Variants in VAV3 observed in about 807,000 individuals in gnomAD.
VAV3 encodes the protein vav guanine nucleotide exchange factor 3.
Under a neutral mutation model 131.2 loss-of-function variants are expected in VAV3, and 94 were observed. The observed-to-expected ratio is 0.72, with a 90% confidence interval of 0.61 to 0.85. The LOEUF (loss-of-function observed/expected upper bound fraction) is 0.85. Among genes scored for constraint, VAV3 ranks in the 40% least tolerant of loss-of-function variants. The pLI is 0.00. For synonymous variants in VAV3, 349 were observed against 342.0 expected (o/e 1.02, Z -0.22); for missense variants, 939 against 1,002.7 (o/e 0.94, Z 0.86).
chr1:107,618,527 A>C (rs1653337332), intron 20 of VAV3, among the ~76,000 whole-genome samples: 4 of 152,224 alleles, frequency 2.6e-5, no homozygotes, highest in Admixed American at 2.6e-4. Context: ...GTGCAAAAGT[A>C]ATTGTGGTTT....
At chr1:107,722,648 A>G (rs1661568193) in intron 15 of VAV3, among the ~76,000 whole-genome samples, 1 of 152,158 alleles carries the variant, frequency 6.6e-6, no homozygotes, top group Non-Finnish European at 1.5e-5. Context: ...TTGTTTTCTG[A>G]GTATAAGAGG....
chr1:107,798,510 A>T (rs1666661935), intron 2 of VAV3, among the ~76,000 whole-genome samples: 1 of 151,932 alleles, frequency 6.6e-6, no homozygotes, highest in African/African-American at 2.4e-5. Flanking sequence ...TGAGGTCAGG[A>T]GATCGAGACC....
intron 21 of VAV3, among the ~76,000 whole-genome samples, chr1:107,613,866 T>G (rs1475719565): frequency 6.6e-6 from 1 of 152,136 alleles, no homozygotes; most frequent in African/African-American, 2.4e-5. Flanking sequence ...TAATTTTTAT[T>G]TTTTATTTGA....
intron 2 of VAV3, among the ~76,000 whole-genome samples, chr1:107,816,010 T>A (rs1667545526): frequency 1.3e-5 from 2 of 152,134 alleles, no homozygotes; most frequent in Admixed American, 1.3e-4. Flanking sequence ...CACTTTGCAC[T>A]TCTATGGGAA....
chr1:107,843,852 T>C (rs1668841973), intron 2 of VAV3, among the ~76,000 whole-genome samples: 1 of 151,848 alleles, frequency 6.6e-6, no homozygotes, highest in Non-Finnish European at 1.5e-5. Flanking sequence ...CTTTCCACTG[T>C]GGGGGTTCAA....
At chr1:107,774,125 G>T (rs1010488413) in intron 4 of VAV3, among the ~76,000 whole-genome samples, 2 of 152,126 alleles carry the variant, frequency 1.3e-5, no homozygotes, top group Non-Finnish European at 2.9e-5. Context: ...GGAGTACGGT[G>T]GTGCAGTCTT....
intron 7 of VAV3, among the ~76,000 whole-genome samples, chr1:107,768,105 G>A (rs1328250029): frequency 6.6e-6 from 1 of 152,178 alleles, no homozygotes; most frequent in Non-Finnish European, 1.5e-5. Flanking sequence ...GGGTCTGGAA[G>A]AGCAACAGAG....
chr1:107,746,939 G>A (rs1663385693), intron 15 of VAV3, among the ~76,000 whole-genome samples: 1 of 151,418 alleles, frequency 6.6e-6, no homozygotes, highest in African/African-American at 2.4e-5. Context: ...GAGTGCAGTG[G>A]CACAATCTCA....
chr1:107,791,145 T>C (rs955000891), intron 2 of VAV3, among the ~76,000 whole-genome samples: 5 of 152,192 alleles, frequency 3.3e-5, no homozygotes, highest in African/African-American at 4.8e-5. Flanking sequence ...GCATGTTTGC[T>C]GTGATTTGGC....
At chr1:107,886,177 C>T (rs1036603704) in intron 1 of VAV3, among the ~76,000 whole-genome samples, 1 of 152,200 alleles carries the variant, frequency 6.6e-6, no homozygotes, top group Non-Finnish European at 1.5e-5. Context: ...ACCCTGCCTC[C>T]TACAAACAAC....
chr1:107,780,838 T>C (rs1024030903), intron 2 of VAV3, among the ~76,000 whole-genome samples: 1 of 152,128 alleles, frequency 6.6e-6, no homozygotes, highest in Non-Finnish European at 1.5e-5. Flanking sequence ...TTTATGATAA[T>C]AGATATAATG....
intron 2 of VAV3, among the ~76,000 whole-genome samples, chr1:107,795,612 T>C (rs1164153135): frequency 6.6e-6 from 1 of 152,132 alleles, no homozygotes; most frequent in East Asian, 1.9e-4. Flanking sequence ...TAAGGTTATT[T>C]CCCCCAGAGA....
At position 107,722,584 on chromosome 1, in the gene VAV3, A is replaced by G. The variant is rs115858852; in HGVS notation, c.1503-17523T>C. Among the ~76,000 whole-genome samples, 584 of 152,270 alleles carry G rather than the reference A, an allele frequency of 3.8e-3. 4 individuals are homozygous for G. Among genetic ancestry groups the G allele is most frequent in the African/African-American group, 0.013 (522 of 41,560 alleles). On this transcript the variant is annotated intron_variant, in intron 15 of 26. Coordinates refer to ENST00000370056, the MANE Select transcript of VAV3 (RefSeq NM_006113.5). The stretch of plus-strand genomic sequence containing the variant: ...AAAGAACATTTACTGAATGCCTACT[A>G]TGCTCCAAACAATGTCCAATAAGAA...
intron 17 of VAV3, among the ~76,000 whole-genome samples, chr1:107,693,373 C>T (rs1226986701): frequency 6.6e-6 from 1 of 152,168 alleles, no homozygotes; most frequent in African/African-American, 2.4e-5. Context: ...ATAAACTTAA[C>T]ACATCTTTTT....
chr1:107,857,985 A>C (rs1345113580), intron 2 of VAV3, among the ~76,000 whole-genome samples: 3 of 152,236 alleles, frequency 2.0e-5, no homozygotes, highest in Admixed American at 2.0e-4. Context: ...AACAAGTAAT[A>C]TATAGTAACA....
intron 1 of VAV3, among the ~76,000 whole-genome samples, chr1:107,933,814 C>A (rs371754128): frequency 6.4e-3 from 766 of 119,058 alleles, no homozygotes; most frequent in Non-Finnish European, 7.2e-3. Context: ...AGACCCTTCT[C>A]AAAAAAAAAA....
chr1:107,635,176 T>A (rs1325810892), intron 20 of VAV3, among the ~76,000 whole-genome samples: 1 of 152,058 alleles, frequency 6.6e-6, no homozygotes, highest in Non-Finnish European at 1.5e-5. Flanking sequence ...CACATGTATG[T>A]TTATTGCATC....
intron 9 of VAV3, among the ~76,000 whole-genome samples, chr1:107,763,295 A>T (rs1436236828): frequency 6.6e-6 from 1 of 152,176 alleles, no homozygotes; most frequent in Non-Finnish European, 1.5e-5. Context: ...CCCTAAGTCG[A>T]GCATTGACTG....
chr1:107,643,294 AG>A (rs2101514957), intron 19 of VAV3, among the ~76,000 whole-genome samples: 1 of 152,320 alleles, frequency 6.6e-6, no homozygotes, highest in African/African-American at 2.4e-5. Context: ...GAAACTCTTC[AG>A]GCTCAAATTT....
Sources: gnomAD v4.1 joint callset for allele counts (sites outside exome capture counted in the v4.1 genomes callset) on GRCh38, gnomAD v4.1.1 for gene constraint, MANE v1.5 for transcripts, NCBI Gene and HGNC (gene_info 2026-07-23, HGNC 2026-07-21) for gene names.